BMPR2: variants seen among roughly 807,000 people sequenced by gnomAD.
The protein encoded by BMPR2 is bone morphogenetic protein receptor type-2.
Under a neutral mutation model 100.8 loss-of-function variants are expected in BMPR2, and 29 were observed. The ratio of observed to expected loss-of-function variants is 0.29; its 90% CI spans 0.21 to 0.39. The LOEUF (loss-of-function observed/expected upper bound fraction) is 0.39, where lower values mean the gene tolerates loss of function less well. Ranked by LOEUF, BMPR2 falls within the 10% of genes least tolerant of loss-of-function variation. BMPR2 has a pLI of 1.00. For synonymous variants in BMPR2, 382 were observed against 442.3 expected, an observed-to-expected ratio of 0.86 and a Z score of 1.71; for missense variants, 1,011 against 1,274.5, an observed-to-expected ratio of 0.79 and a Z score of 3.15.
At chr2:202,462,965 G>A (rs1692252091) in intron 1 of BMPR2, among the ~76,000 whole-genome samples, 1 of 152,016 alleles carries the variant, frequency 6.6e-6, no homozygotes, top group Non-Finnish European at 1.5e-5. Flanking sequence ...GCCTGCCTTG[G>A]CCTCCCAAAG....
At position 202,518,976 on chromosome 2, in the gene BMPR2, G is replaced by A. The variant is rs200960921; in HGVS notation, c.776G>A (p.Arg259His). Residue 259 changes from arginine (R) to histidine (H), a missense_variant, in exon 6 of 13, where the codon CGC (arginine) becomes CAC (histidine). Coordinates refer to ENST00000374580, the MANE Select transcript of BMPR2 (RefSeq NM_001204.7). ...VPLMEHDNIA[R>H]FIVGDERVTA... ...TTGATGGAACATGACAACATTGCCC[G>A]CTTTATAGTTGGAGATGAGAGAGTC... 76 of 1,614,002 alleles carry A rather than the reference G, an allele frequency of 4.7e-5. 1 individual carries two copies. In the Admixed American group the frequency reaches 9.7e-4, roughly 21 times the overall value.
intron 1 of BMPR2, among the ~76,000 whole-genome samples, chr2:202,425,202 C>T (rs1241774462): frequency 6.6e-6 from 1 of 152,150 alleles, no homozygotes; most frequent in Non-Finnish European, 1.5e-5. Context: ...GTGTGAGTCA[C>T]CATGCCCAGC....
At chr2:202,480,239 T>C (rs1023365889) in intron 3 of BMPR2, among the ~76,000 whole-genome samples, 1 of 152,146 alleles carries the variant, frequency 6.6e-6, no homozygotes, top group African/African-American at 2.4e-5. Flanking sequence ...TTCACGCTAT[T>C]CTCCTGTCTC....
intron 3 of BMPR2, among the ~76,000 whole-genome samples, chr2:202,501,777 G>A (rs1452235742): frequency 6.6e-6 from 1 of 152,214 alleles, no homozygotes; most frequent in Admixed American, 6.5e-5. Flanking sequence ...CTCCTTGAGG[G>A]ACTGGTGCTT....
intron 1 of BMPR2, among the ~76,000 whole-genome samples, chr2:202,395,761 C>A (rs1319388075): frequency 6.6e-6 from 1 of 152,072 alleles, no homozygotes; most frequent in African/African-American, 2.4e-5. Flanking sequence ...CATGACAAAA[C>A]CCCGGCTCTA....
At position 202,561,787 on chromosome 2, in the gene BMPR2, T is replaced by G. The variant is rs1052103110; in HGVS notation, c.*1841T>G. ...TTTGTGATTTACTTGTATATAAGCC[T>G]TCTCATTTGCCATGTGCTGTGATCT... On this transcript the variant is annotated 3_prime_UTR_variant, in exon 13 of 13. Transcript: ENST00000374580. 2.2e-4 allele frequency: 34 copies of G among 152,308 alleles called. No individual in the cohort carries two copies. The highest frequency in any genetic ancestry group is 1.3e-3 in the Admixed American group (20 of 15,308). 9.4% of individuals were successfully genotyped at this position (152,308 alleles called of 1,614,324 possible). A position where few individuals can be genotyped will look rare whatever the true frequency, so the allele number is the denominator to read the frequency against.
In BMPR2 at chr2:202,556,054, G is replaced by A. The variant is rs888753240; in HGVS notation, c.2389G>A (p.Ala797Thr). Residue 797 changes from alanine to threonine, a missense_variant, in exon 12 of 13, where the codon GCA becomes ACA. Coordinates refer to ENST00000374580, the MANE Select transcript of BMPR2 (RefSeq NM_001204.7). Reference protein sequence around the residue: ...GVAKMNTINAAEPHVVTVTMN... With the variant: ...GVAKMNTINATEPHVVTVTMN... ...TGCCAAGATGAATACAATCAATGCA[G>A]CAGAACCTCATGTGGTGACAGTCAC... is the stretch of plus-strand genomic sequence containing the variant. The A allele has an allele frequency of 3.1e-6, 5 of 1,614,154 alleles. No individual in the cohort carries two copies. Among genetic ancestry groups the A allele is most frequent in the Non-Finnish European group, 3.4e-6 (4 of 1,180,030 alleles).
intron 1 of BMPR2, among the ~76,000 whole-genome samples, chr2:202,422,317 T>G (rs1462126086): frequency 2.7e-5 from 4 of 150,728 alleles, no homozygotes; most frequent in Non-Finnish European, 5.9e-5. Context: ...TGTTTTTTTG[T>G]TTTTTTTGAG....
chr2:202,536,641 G>A (rs1688164164), intron 9 of BMPR2, among the ~76,000 whole-genome samples: 1 of 152,002 alleles, frequency 6.6e-6, no homozygotes, highest in Non-Finnish European at 1.5e-5. Flanking sequence ...AGGAGGCCGA[G>A]GCAAGTGTAT....
intron 3 of BMPR2, among the ~76,000 whole-genome samples, chr2:202,498,233 G>C (rs1328248058): frequency 1.3e-5 from 2 of 152,082 alleles, no homozygotes; most frequent in African/African-American, 2.4e-5. Flanking sequence ...TTTCTCAGTC[G>C]GTCCTCCTTG....
intron 3 of BMPR2, chr2:202,474,676 GCCT>G (rs1692506337): frequency 6.6e-6 from 1 of 152,024 alleles, no homozygotes; most frequent in Admixed American, 6.6e-5. Flanking sequence ...CTGCCACCAC[GCCT>G]GGCTAATTTG....
intron 1 of BMPR2, among the ~76,000 whole-genome samples, chr2:202,411,520 TG>T (rs1190885282): frequency 6.6e-6 from 1 of 152,190 alleles, no homozygotes; most frequent in Non-Finnish European, 1.5e-5. Flanking sequence ...TCTGATTGGT[TG>T]CTGTGAATGG....
intron 3 of BMPR2, among the ~76,000 whole-genome samples, chr2:202,467,902 G>T (rs1270109349): frequency 5.9e-5 from 9 of 151,954 alleles, no homozygotes; most frequent in Non-Finnish European, 1.3e-4. Context: ...TAAAAAATTA[G>T]CCGGGCGTAG....
intron 1 of BMPR2, among the ~76,000 whole-genome samples, chr2:202,434,085 A>G (rs1691560312): frequency 6.6e-6 from 1 of 150,522 alleles, no homozygotes; most frequent in African/African-American, 2.5e-5. Flanking sequence ...TTCAGCTTAC[A>G]CAATTCTGGC....
intron 10 of BMPR2, among the ~76,000 whole-genome samples, chr2:202,551,360 C>CA (rs1256597587): frequency 0.19 from 17,990 of 95,180 alleles, 1,267 homozygotes; most frequent in Non-Finnish European, 0.21. Context: ...ACTAAAGATA[C>CA]AAAAAAAAAA....
In BMPR2 at chr2:202,419,985, T is replaced by C. The variant is rs532392554; in HGVS notation, c.76+42435T>C. Among the ~76,000 whole-genome samples the C allele has an allele frequency of 2.0e-5, 3 of 152,146 alleles. No individual in the cohort carries two copies. In the East Asian group the frequency reaches 5.8e-4, roughly 29 times the overall value. ...CCAACATAGTGAGACCTCGTATCTATTTTACATATTTTAAAAATTATATTA... is the reference window on the plus strand; with the variant it reads ...CCAACATAGTGAGACCTCGTATCTACTTTACATATTTTAAAAATTATATTA... On this transcript the variant is annotated intron_variant, in intron 1 of 12. Transcript: ENST00000374580.
In BMPR2 at chr2:202,467,512, T is replaced by A; in HGVS notation, c.248-7T>A. 6 of 1,542,664 alleles carry A rather than the reference T, an allele frequency of 3.9e-6. No homozygotes were observed. Among genetic ancestry groups the A allele is most frequent in the Non-Finnish European group, 5.4e-6 (6 of 1,115,082 alleles). Reference sequence around the variant, plus strand: ...GTCTCCTTTTTTGTATTCATATTGATTTATAGGATGTTGGTCTCACATTGG... The same window carrying A: ...GTCTCCTTTTTTGTATTCATATTGAATTATAGGATGTTGGTCTCACATTGG... On this transcript the variant is annotated splice_region_variant and splice_polypyrimidine_tract_variant and intron_variant, in intron 2 of 12. Coordinates refer to ENST00000374580, the MANE Select transcript of BMPR2 (RefSeq NM_001204.7).
chr2:202,458,736 C>T (rs902990871), intron 1 of BMPR2, among the ~76,000 whole-genome samples: 8 of 152,096 alleles, frequency 5.3e-5, no homozygotes, highest in African/African-American at 1.9e-4. Context: ...TTTTCTTATA[C>T]ATTTGGGACT....
At chr2:202,466,475 T>C (rs753541425) in intron 2 of BMPR2, among the ~76,000 whole-genome samples, 3 of 151,892 alleles carry the variant, frequency 2.0e-5, no homozygotes, top group Admixed American at 6.6e-5. Context: ...TTAGTGGAGA[T>C]AGAGTTTTGC....
Sources: allele counts gnomAD v4.1 joint callset (sites outside exome capture counted in the v4.1 genomes callset), GRCh38; gene constraint gnomAD v4.1.1; transcripts MANE v1.5; gene names NCBI Gene and HGNC (gene_info 2026-07-23, HGNC 2026-07-21).